The following CD101 variants were observed in gnomAD, a reference collection of about 807,000 sequenced individuals.
CD101 encodes CD101 molecule, also known as immunoglobulin superfamily member 2.
CD101 carries 76 observed loss-of-function variants against 98.2 expected under a neutral mutation model. That is an observed-to-expected ratio of 0.77 (90% CI 0.64 to 0.94). The LOEUF (loss-of-function observed/expected upper bound fraction) is 0.94. Ranked by LOEUF, CD101 falls within the 40% of genes least tolerant of loss-of-function variation. CD101 has a pLI of 0.00. For synonymous variants in CD101, 471 were observed against 472.7 expected (o/e 1.00, Z 0.05); for missense variants, 1,145 against 1,218.8 (o/e 0.94, Z 0.90).
chr1:117,029,053 A>G (rs113693950), intron 8 of CD101, among the ~76,000 whole-genome samples: 4 of 148,876 alleles, frequency 2.7e-5, no homozygotes, highest in African/African-American at 1.0e-4. Context: ...AAAAGAAAGA[A>G]AGAGAGAGAG....
At position 117,013,864 on chromosome 1, in the gene CD101, G is replaced by A. The variant is rs140575714; in HGVS notation, c.1228+72G>A. 5.1e-3 allele frequency: 7,335 copies of A among 1,427,570 alleles called. 17 individuals carry two copies. The highest frequency in any genetic ancestry group is 6.0e-3 in the Non-Finnish European group (6,401 of 1,063,872). 88.4% of individuals were successfully genotyped at this position (1,427,570 alleles called of 1,614,324 possible). A position where few individuals can be genotyped will look rare whatever the true frequency, so the allele number is the denominator to read the frequency against. ...CCCCTTGTCAGTGGAAGACCCCTTC[G>A]TGGATACAATGGGGATCTTCATGAA... On this transcript the variant is annotated intron_variant, in intron 4 of 9. Coordinates refer to ENST00000682167, the MANE Select transcript of CD101 (RefSeq NM_001256106.3).
At position 117,023,497 on chromosome 1, in the gene CD101, A is replaced by G. The variant is rs554404084; in HGVS notation, c.2428+1514A>G. On this transcript the variant is annotated intron_variant, in intron 7 of 9. Transcript: ENST00000682167. The surrounding 1 kb of genome is among the most constrained non-coding windows in gnomAD (Gnocchi z 4.4). ...AGTGGTATGATCTTAGCTCACTGCA[A>G]CCTCCTCCTCCTGGGTTCAAGCAAT... Among the ~76,000 whole-genome samples, 1 of 150,908 alleles carries G rather than the reference A, an allele frequency of 6.6e-6. No homozygotes were observed. Among genetic ancestry groups the G allele is most frequent in the Admixed American group, 6.6e-5 (1 of 15,154 alleles).
At chr1:117,026,156 G>T (rs1455947756) in intron 8 of CD101, 4 of 394,078 alleles carry the variant, frequency 1.0e-5, no homozygotes, top group African/African-American at 4.0e-5. Context: ...ATGTCTTTCT[G>T]CTGGGGTTCA....
At chr1:117,028,899 A>C (rs1361027678) in intron 8 of CD101, among the ~76,000 whole-genome samples, 1 of 152,114 alleles carries the variant, frequency 6.6e-6, no homozygotes, top group East Asian at 1.9e-4. Context: ...TTTGATGTCA[A>C]GGGGAAGAGA....
In CD101 at chr1:117,018,368, C is replaced by T. The variant is rs147999806; in HGVS notation, c.1825C>T (p.Arg609Trp). 1.1e-4 allele frequency: 179 copies of T among 1,614,150 alleles called. No individual in the cohort carries two copies. Among genetic ancestry groups the T allele is most frequent in the African/African-American group, 4.8e-4 (36 of 75,016 alleles). Residue 609 changes from arginine (R) to tryptophan (W), a missense_variant, in exon 6 of 10, where the codon CGG (arginine) becomes TGG (tryptophan). Transcript: ENST00000682167. The surrounding 1 kb of genome is among the most constrained non-coding windows in gnomAD (Gnocchi z 4.3). ...TATTGAATGGGGGAATTTCCTATCCCGGTTCCAAAAGAAGACGAAAGTGTC... is the reference window on the plus strand; with the variant it reads ...TATTGAATGGGGGAATTTCCTATCCTGGTTCCAAAAGAAGACGAAAGTGTC... Reference protein sequence around the residue: ...GTIEWGNFLSRFQKKTKVSQS... With the variant: ...GTIEWGNFLSWFQKKTKVSQS...
At chr1:117,014,185 T>TTGTGTGTGTGTGTG (rs3220776) in intron 4 of CD101, among the ~76,000 whole-genome samples, 27 of 141,266 alleles carry the variant, frequency 1.9e-4, no homozygotes, top group African/African-American at 6.8e-4. Context: ...CCCTCTGCCT[T>TTGTGTGTGTGTGTG]TGTGTGTGTG....
chr1:117,016,975 C>A (rs1336451366), intron 4 of CD101, 115 bp from the exon 5 acceptor site: 2 of 1,168,254 alleles, frequency 1.7e-6, no homozygotes, highest in African/African-American at 1.6e-5. Flanking sequence ...AGGAAACAGC[C>A]CAATTTGACT....
Position 117,034,137 on chromosome 1 carries a change from G to A in CD101, c.*33+3G>A, listed in dbSNP as rs1317610261. On this transcript the variant is annotated splice_donor_region_variant and intron_variant, in intron 9 of 9. Coordinates refer to ENST00000682167, the MANE Select transcript of CD101 (RefSeq NM_001256106.3). ...GCACCTGCAGCCAGGAAGGAAAGGTGGGGGCTTTTTAATTGGGCTAACCAG... is the reference window on the plus strand; with the variant it reads ...GCACCTGCAGCCAGGAAGGAAAGGTAGGGGCTTTTTAATTGGGCTAACCAG... 1.9e-6 allele frequency: 3 copies of A among 1,609,332 alleles called. No individual in the cohort carries two copies. Among genetic ancestry groups the A allele is most frequent in the Non-Finnish European group, 1.7e-6 (2 of 1,178,288 alleles).
intron 4 of CD101, 125 bp downstream of exon 4, chr1:117,013,917 A>G: frequency 8.6e-7 from 1 of 1,156,694 alleles, no homozygotes; most frequent in Non-Finnish European, 1.2e-6. Context: ...ATCACATTGG[A>G]GGTGGAGTGG....
intron 8 of CD101, among the ~76,000 whole-genome samples, chr1:117,030,962 AT>A (rs1242485227): frequency 6.6e-6 from 1 of 152,154 alleles, no homozygotes; most frequent in Admixed American, 6.6e-5. Flanking sequence ...CTCTCATTAC[AT>A]TTTTGGCTTT....
intron 8 of CD101, among the ~76,000 whole-genome samples, chr1:117,032,782 G>C (rs1654543689): frequency 6.6e-6 from 1 of 152,204 alleles, no homozygotes. Flanking sequence ...TGAAACCTGT[G>C]GTGTTTGCAG....
intron 8 of CD101, among the ~76,000 whole-genome samples, chr1:117,029,005 CA>C (rs1162757898): frequency 6.7e-6 from 1 of 150,100 alleles, no homozygotes; most frequent in Non-Finnish European, 1.5e-5. Context: ...CAGATTTGAG[CA>C]CATTTATGTT....
In CD101 at chr1:117,013,546, C is replaced by T; in HGVS notation, c.982C>T (p.His328Tyr). Reference sequence around the variant, plus strand: ...GTTCTTCAATGGGACTGAAATTGCTCACATTGATGCTGGTGGAGTCCTGGG... The same window carrying T: ...GTTCTTCAATGGGACTGAAATTGCTTACATTGATGCTGGTGGAGTCCTGGG... ...IWFFNGTEIA[H>Y]IDAGGVLGLK... Residue 328 changes from histidine to tyrosine, a missense_variant, in exon 4 of 10, where the codon CAC becomes TAC. Transcript: ENST00000682167. The T allele has an allele frequency of 1.2e-6, 2 of 1,614,182 alleles. No individual in the cohort carries two copies. Among genetic ancestry groups the T allele is most frequent in the South Asian group, 1.1e-5 (1 of 91,082 alleles).
Position 117,005,888 on chromosome 1 carries a change from T to C in CD101, c.44-3962T>C, listed in dbSNP as rs997791593. Among the ~76,000 whole-genome samples the C allele has an allele frequency of 6.6e-6, 1 of 152,146 alleles. No individual in the cohort carries two copies. The highest frequency in any genetic ancestry group is 1.5e-5 in the Non-Finnish European group (1 of 68,020). On this transcript the variant is annotated intron_variant, in intron 1 of 9. Transcript: ENST00000682167. This position sits in a 1 kb window ranked among gnomAD's most constrained non-coding sequence, Gnocchi z 4.4. ...AATATCACAGGGTTTTTGAAAGGATTCGATTACAAATATTTTCAAAGGGTT... is the reference window on the plus strand; with the variant it reads ...AATATCACAGGGTTTTTGAAAGGATCCGATTACAAATATTTTCAAAGGGTT...
At chr1:117,028,383 A>G (rs1006415370) in intron 8 of CD101, among the ~76,000 whole-genome samples, 1 of 152,168 alleles carries the variant, frequency 6.6e-6, no homozygotes, top group Non-Finnish European at 1.5e-5. Flanking sequence ...TTTACCAAGC[A>G]AGGTAATATA....
In CD101 at chr1:117,011,542, G is replaced by C; in HGVS notation, c.425-8G>C. The C allele has an allele frequency of 1.2e-6, 2 of 1,608,548 alleles. No individual in the cohort carries two copies. The highest frequency in any genetic ancestry group is 1.3e-5 in the African/African-American group (1 of 74,848). On this transcript the variant is annotated splice_polypyrimidine_tract_variant and splice_region_variant and intron_variant, in intron 2 of 9. Coordinates refer to ENST00000682167, the MANE Select transcript of CD101 (RefSeq NM_001256106.3). Reference sequence around the variant, plus strand: ...CCAGTCACATTATTATCATTCCTTTGTTTCCAGTTATTCCAGATACCCTCT... The same window carrying C: ...CCAGTCACATTATTATCATTCCTTTCTTTCCAGTTATTCCAGATACCCTCT...
In CD101 at chr1:117,025,503, T is replaced by C. The variant is rs542133760; in HGVS notation, c.2429-6T>C. The C allele has an allele frequency of 5.3e-6, 8 of 1,517,714 alleles. No homozygotes were observed. In the East Asian group the frequency reaches 1.8e-4, roughly 35 times the overall value. The allele number at this position is 1,517,714 out of a possible 1,614,324, so 94.0% of individuals were successfully genotyped here. On this transcript the variant is annotated splice_polypyrimidine_tract_variant and splice_region_variant and intron_variant, in intron 7 of 9. Transcript: ENST00000682167. ...TTCTCTAATTTACTGCCATTTTATTTTCTAGGAAGTAAGGTACGTGTCTCC... is the reference window on the plus strand; with the variant it reads ...TTCTCTAATTTACTGCCATTTTATTCTCTAGGAAGTAAGGTACGTGTCTCC...
At position 117,033,342 on chromosome 1, in the gene CD101, C is replaced by T. The variant is rs45590831; in HGVS notation, c.2825-518C>T. Among the ~76,000 whole-genome samples the T allele has an allele frequency of 0.083, 12,491 of 151,326 alleles. 591 individuals carry two copies. The highest frequency in any genetic ancestry group is 0.098 in the African/African-American group (4,025 of 41,200). Reference sequence around the variant, plus strand: ...ACAGGGAGGGCCAGGCTTGGGTCAGCGGGGGTAGGGGCTTCTTATTGTGGG... The same window carrying T: ...ACAGGGAGGGCCAGGCTTGGGTCAGTGGGGGTAGGGGCTTCTTATTGTGGG... On this transcript the variant is annotated intron_variant, in intron 8 of 9. Transcript: ENST00000682167. This position sits in a 1 kb window ranked among gnomAD's most constrained non-coding sequence, Gnocchi z 4.8.
chr1:117,023,001 A>G lies in CD101; in HGVS notation c.2428+1018A>G, dbSNP rs1436838961. The stretch of plus-strand genomic sequence containing the variant: ...CTCTGCTTTCCTCAGAATTTCTTAA[A>G]CACTGCCCTGGTTTCAACTACCACC... On this transcript the variant is annotated intron_variant, in intron 7 of 9. Coordinates refer to ENST00000682167, the MANE Select transcript of CD101 (RefSeq NM_001256106.3). The surrounding 1 kb of genome is among the most constrained non-coding windows in gnomAD (Gnocchi z 4.4). Among the ~76,000 whole-genome samples, 1 of 152,168 alleles carries G rather than the reference A, an allele frequency of 6.6e-6. No individual in the cohort carries two copies.
Sources: gnomAD v4.1 joint callset for allele counts (sites outside exome capture counted in the v4.1 genomes callset) on GRCh38, gnomAD v4.1.1 for gene constraint, Gnocchi (gnomAD v3.1) non-coding constraint, MANE v1.5 for transcripts, NCBI Gene and HGNC (gene_info 2026-07-23, HGNC 2026-07-21) for gene names.